Variants in SCHIP1 observed in about 807,000 individuals in gnomAD.
SCHIP1 encodes schwannomin interacting protein 1, also known as schwannomin-interacting protein 1.
Under a neutral mutation model 29.7 loss-of-function variants are expected in SCHIP1, and 8 were observed. That is an observed-to-expected ratio of 0.27 (90% CI 0.16 to 0.49). The LOEUF (loss-of-function observed/expected upper bound fraction) is 0.49. SCHIP1 is among the 20% of genes least tolerant of loss of function. The probability of loss-of-function intolerance (pLI) is 0.99; values close to 1 mark genes in which losing one functional copy is unlikely to be tolerated. For missense variants in SCHIP1, 193 were observed against 294.6 expected, an observed-to-expected ratio of 0.66 and a Z score of 2.52; for synonymous variants, 76 against 94.9, an observed-to-expected ratio of 0.80 and a Z score of 1.16.
the SCHIP1 span, among the ~76,000 whole-genome samples, chr3:159,357,458 G>C: frequency 8.5e-4 from 129 of 152,282 alleles, no homozygotes; most frequent in African/African-American, 2.8e-3. Context: ...TGGAAAATCA[G>C]TGAAGACAGA....
the SCHIP1 span, among the ~76,000 whole-genome samples, chr3:159,412,890 A>G: frequency 6.6e-6 from 1 of 152,206 alleles, no homozygotes; most frequent in Non-Finnish European, 1.5e-5. Flanking sequence ...TGGTAGAGAC[A>G]TTGTATTAGT....
the SCHIP1 span, among the ~76,000 whole-genome samples, chr3:159,441,786 A>G: frequency 6.6e-6 from 1 of 152,110 alleles, no homozygotes; most frequent in Non-Finnish European, 1.5e-5. Flanking sequence ...GGGAGAGATC[A>G]AGGAGAGTTT....
the SCHIP1 span, among the ~76,000 whole-genome samples, chr3:159,773,900 G>A: frequency 5.9e-5 from 9 of 152,204 alleles, no homozygotes; most frequent in African/African-American, 2.2e-4. Context: ...GAAAAGGCTA[G>A]TAGGAAAGTA....
chr3:159,418,835 C>T, the SCHIP1 span, among the ~76,000 whole-genome samples: 4 of 152,124 alleles, frequency 2.6e-5, no homozygotes, highest in African/African-American at 9.7e-5. Context: ...CAAACTACCT[C>T]TCCTTTCATA....
chr3:159,522,942 A>C, the SCHIP1 span, among the ~76,000 whole-genome samples: 26,053 of 152,166 alleles, frequency 0.17, 2,471 homozygotes, highest in South Asian at 0.35. Context: ...TACCCACTTT[A>C]GTTTTTATTT....
At chr3:159,570,048 T>C in the SCHIP1 span, among the ~76,000 whole-genome samples, 1 of 152,198 alleles carries the variant, frequency 6.6e-6, no homozygotes, top group Non-Finnish European at 1.5e-5. Flanking sequence ...TATTAGCCCT[T>C]TGTCAGATGA....
At chr3:159,765,189 C>A in the SCHIP1 span, 1 of 1,491,748 alleles carries the variant, frequency 6.7e-7, no homozygotes, top group Non-Finnish European at 8.9e-7. Flanking sequence ...GTACACACCC[C>A]GCGCACAGCC....
chr3:159,622,177 CTGACATCA>C, the SCHIP1 span, among the ~76,000 whole-genome samples: 1 of 152,200 alleles, frequency 6.6e-6, no homozygotes, highest in Non-Finnish European at 1.5e-5. Context: ...ACCTAGCAAG[CTGACATCA>C]TGTTTCCTAA....
the SCHIP1 span, among the ~76,000 whole-genome samples, chr3:159,817,341 G>A: frequency 6.6e-6 from 1 of 152,126 alleles, no homozygotes; most frequent in Non-Finnish European, 1.5e-5. Context: ...TCGAGGAGAG[G>A]TGCATTGTCA....
At chr3:159,418,576 G>A in the SCHIP1 span, among the ~76,000 whole-genome samples, 6 of 152,178 alleles carry the variant, frequency 3.9e-5, no homozygotes, top group Non-Finnish European at 8.8e-5. Flanking sequence ...ACATTATAAT[G>A]TTTCTTGTCT....
chr3:159,328,822 A>T, the SCHIP1 span, among the ~76,000 whole-genome samples: 1 of 152,318 alleles, frequency 6.6e-6, no homozygotes, highest in East Asian at 1.9e-4. Flanking sequence ...ATGGGAATGG[A>T]AAAAGCTAGG....
the SCHIP1 span, among the ~76,000 whole-genome samples, chr3:159,796,698 C>T: frequency 7.2e-6 from 1 of 139,198 alleles, no homozygotes; most frequent in Admixed American, 7.3e-5. Flanking sequence ...CATTGTCTTA[C>T]AGCAAAGTAC....
chr3:159,687,080 G>C, the SCHIP1 span, among the ~76,000 whole-genome samples: 2 of 152,028 alleles, frequency 1.3e-5, no homozygotes, highest in African/African-American at 4.8e-5. Context: ...GTCCTTGCCT[G>C]TACTTCTAGA....
At position 159,867,445 on chromosome 3, in the gene SCHIP1, C is replaced by T. The variant is rs150437838; in HGVS notation, c.149+1164C>T. On this transcript the variant is annotated intron_variant, in intron 2 of 6. Transcript: ENST00000445224. Reference sequence around the variant, plus strand: ...TATCTTATCCTGAGAGATTCTAAATCAGCAAAAATCGGAAAGCAGAAAGCA... The same window carrying T: ...TATCTTATCCTGAGAGATTCTAAATTAGCAAAAATCGGAAAGCAGAAAGCA... Among the ~76,000 whole-genome samples the T allele has an allele frequency of 3.3e-5, 5 of 152,276 alleles. No individual in the cohort carries two copies. In the East Asian group the frequency reaches 9.7e-4, roughly 29 times the overall value.
chr3:159,676,579 T>C, the SCHIP1 span, among the ~76,000 whole-genome samples: 1 of 152,220 alleles, frequency 6.6e-6, no homozygotes, highest in Non-Finnish European at 1.5e-5. Flanking sequence ...TTCTACATTC[T>C]TTCAGCACAT....
chr3:159,548,153 T>G, the SCHIP1 span, among the ~76,000 whole-genome samples: 1 of 152,106 alleles, frequency 6.6e-6, no homozygotes. Context: ...TGTTGTAATA[T>G]TCTTGTAAGG....
At chr3:159,408,202 G>C in the SCHIP1 span, among the ~76,000 whole-genome samples, 1 of 152,012 alleles carries the variant, frequency 6.6e-6, no homozygotes, top group East Asian at 1.9e-4. Context: ...GGAGGCTGAG[G>C]CAGAAGAATG....
At chr3:159,894,213 C>T (rs1004642408) in intron 6 of SCHIP1, 11 of 152,152 alleles carry the variant, frequency 7.2e-5, no homozygotes, top group African/African-American at 1.7e-4. Context: ...ATAATTCTCA[C>T]GCACAGCCAA....
At chr3:159,394,593 C>T in the SCHIP1 span, among the ~76,000 whole-genome samples, 40 of 152,018 alleles carry the variant, frequency 2.6e-4, no homozygotes, top group African/African-American at 8.2e-4. Context: ...TTGTCTTTGG[C>T]TCTGTTTATA....
Sources: gnomAD v4.1 joint callset for allele counts (sites outside exome capture counted in the v4.1 genomes callset) on GRCh38, gnomAD v4.1.1 for gene constraint, MANE v1.5 for transcripts, NCBI Gene and HGNC (gene_info 2026-07-23, HGNC 2026-07-21) for gene names.